The following PTK2 variants were observed in gnomAD, a reference collection of about 807,000 sequenced individuals.
PTK2 encodes focal adhesion kinase 1.
A neutral mutation model predicts 150.1 loss-of-function variants in PTK2; 45 were observed. The ratio of observed to expected loss-of-function variants is 0.30; its 90% CI spans 0.24 to 0.38. The LOEUF (loss-of-function observed/expected upper bound fraction) is 0.38. PTK2 is among the 10% of genes least tolerant of loss of function. PTK2 has a pLI of 1.00. For synonymous variants in PTK2, 432 were observed against 449.2 expected (o/e 0.96, Z 0.48); for missense variants, 919 against 1,307.3 (o/e 0.70, Z 4.58).
chr8:140,879,802 A>G (rs527545723), intron 3 of PTK2, among the ~76,000 whole-genome samples, 165 bp from the exon 4 acceptor site: 2 of 152,032 alleles, frequency 1.3e-5, no homozygotes, highest in African/African-American at 4.8e-5. Context: ...TGGTATGAGA[A>G]TATCAAGTTA....
chr8:140,834,172 T>C (rs1440461457), intron 7 of PTK2, among the ~76,000 whole-genome samples: 2 of 152,146 alleles, frequency 1.3e-5, no homozygotes, highest in African/African-American at 4.8e-5. Context: ...ATCTAGGACT[T>C]CAGCCACCCT....
chr8:140,739,887 C>G (rs2100054715), intron 20 of PTK2, among the ~76,000 whole-genome samples: 1 of 152,180 alleles, frequency 6.6e-6, no homozygotes, highest in African/African-American at 2.4e-5. Context: ...AGGGAATACT[C>G]AATTTTTTTG....
chr8:140,660,454 G>C (rs1304138178), intron 31 of PTK2: 5 of 376,536 alleles, frequency 1.3e-5, no homozygotes, highest in Non-Finnish European at 2.2e-5. Flanking sequence ...GGGCGCAGTG[G>C]CTCACTCCTG....
At chr8:140,717,191 A>G (rs894132183) in intron 23 of PTK2, among the ~76,000 whole-genome samples, 5 of 152,242 alleles carry the variant, frequency 3.3e-5, no homozygotes, top group Admixed American at 1.3e-4. Flanking sequence ...ACAAAGGAAT[A>G]TGGTCAGGTA....
rs1400595755 is a variant in PTK2, at chr8:140,675,502, G to A, written c.2563-3C>T. ...TGATATATATGTTGGTTTCCAATCT[G>A]TGGGAAAAGAAAAGTTCAGTCAATG... On this transcript the variant is annotated splice_polypyrimidine_tract_variant and splice_region_variant and intron_variant, in intron 27 of 31. Transcript: ENST00000522684. 1.2e-6 allele frequency: 2 copies of A among 1,608,416 alleles called. No individual in the cohort carries two copies. The highest frequency in any genetic ancestry group is 1.7e-5 in the Admixed American group (1 of 59,986).
intron 15 of PTK2, among the ~76,000 whole-genome samples, chr8:140,763,509 A>G (rs1678934008): frequency 6.6e-6 from 1 of 152,154 alleles, no homozygotes; most frequent in Admixed American, 6.5e-5. Context: ...TGAAATTAAG[A>G]AATAAATTTC....
chr8:140,742,294 A>G (rs2100056187), intron 20 of PTK2, among the ~76,000 whole-genome samples: 3 of 152,244 alleles, frequency 2.0e-5, no homozygotes, highest in South Asian at 2.1e-4. Context: ...ATTGAAAGAC[A>G]TTGGAGCTGA....
At chr8:140,912,538 A>C (rs568795995) in intron 2 of PTK2, among the ~76,000 whole-genome samples, 2 of 152,216 alleles carry the variant, frequency 1.3e-5, no homozygotes, top group Non-Finnish European at 2.9e-5. Context: ...AAAACAGAAA[A>C]ACTCATATGA....
intron 14 of PTK2, among the ~76,000 whole-genome samples, chr8:140,784,474 C>G (rs1475499731): frequency 1.3e-5 from 2 of 151,972 alleles, no homozygotes; most frequent in East Asian, 3.9e-4. Context: ...CCAAACAAAA[C>G]CCCCAAGTTT....
At chr8:140,790,209 G>C (rs781620627) in intron 13 of PTK2, among the ~76,000 whole-genome samples, 3 of 152,076 alleles carry the variant, frequency 2.0e-5, no homozygotes, top group Non-Finnish European at 4.4e-5. Context: ...AAAGTTACCT[G>C]ATCTTTTTAT....
intron 1 of PTK2, among the ~76,000 whole-genome samples, chr8:140,929,155 C>T (rs866958675): frequency 1.7e-3 from 256 of 149,928 alleles, no homozygotes; most frequent in African/African-American, 5.8e-3. Context: ...TTAGTAGAGA[C>T]GGGGTTTCAC....
chr8:140,889,525 G>A (rs2100153528), intron 3 of PTK2, among the ~76,000 whole-genome samples: 2 of 151,922 alleles, frequency 1.3e-5, no homozygotes, highest in East Asian at 1.9e-4. Context: ...CACCATGCCC[G>A]ACCTGTTGGC....
chr8:140,894,181 G>C (rs1401141864), intron 2 of PTK2, among the ~76,000 whole-genome samples: 1 of 152,150 alleles, frequency 6.6e-6, no homozygotes, highest in African/African-American at 2.4e-5. Flanking sequence ...CCTTGTGAAA[G>C]TCCAAGAGCA....
intron 20 of PTK2, among the ~76,000 whole-genome samples, chr8:140,740,263 T>C (rs1032000431): frequency 4.6e-5 from 7 of 152,052 alleles, no homozygotes; most frequent in African/African-American, 1.5e-4. Flanking sequence ...ACACAGATAG[T>C]GAATACATGC....
intron 1 of PTK2, among the ~76,000 whole-genome samples, chr8:140,985,280 T>C (rs1049301220): frequency 6.6e-5 from 10 of 152,006 alleles, no homozygotes; most frequent in Non-Finnish European, 1.0e-4. Flanking sequence ...TGCACCACCA[T>C]GCCCAACTAA....
intron 7 of PTK2, among the ~76,000 whole-genome samples, chr8:140,838,938 G>A (rs1477817281): frequency 2.0e-5 from 3 of 151,498 alleles, no homozygotes; most frequent in Admixed American, 6.6e-5. Context: ...CCCAGGAGGC[G>A]GAGCTTGCAG....
At chr8:140,673,126 G>A (rs1446692969) in intron 29 of PTK2, among the ~76,000 whole-genome samples, 2 of 147,620 alleles carry the variant, frequency 1.4e-5, no homozygotes, top group African/African-American at 2.5e-5. Context: ...TTTTAACCTC[G>A]AGACGGAATC....
intron 1 of PTK2, among the ~76,000 whole-genome samples, chr8:140,996,483 G>T (rs1210007127): frequency 6.6e-6 from 1 of 152,242 alleles, no homozygotes; most frequent in Non-Finnish European, 1.5e-5. Flanking sequence ...TTCATAGCCA[G>T]AGAGATGAAG....
At chr8:140,658,875 C>A in exon 32 of PTK2, 1 of 226,490 alleles carries the variant, frequency 4.4e-6, no homozygotes, top group Non-Finnish European at 8.8e-6. Flanking sequence ...AAGTAAAAGG[C>A]AGGTAAGACA....
Sources: gnomAD v4.1 joint callset for allele counts (sites outside exome capture counted in the v4.1 genomes callset) on GRCh38, gnomAD v4.1.1 for gene constraint, MANE v1.5 for transcripts, NCBI Gene and HGNC (gene_info 2026-07-23, HGNC 2026-07-21) for gene names.